Variants in KLHL1 observed in about 807,000 individuals in gnomAD.
KLHL1 encodes kelch like family member 1.
A neutral mutation model predicts 77.7 loss-of-function variants in KLHL1; 47 were observed. The ratio of observed to expected loss-of-function variants is 0.60; its 90% CI spans 0.48 to 0.77. KLHL1 has a LOEUF of 0.77. Ranked by LOEUF, KLHL1 falls within the 30% of genes least tolerant of loss-of-function variation. The pLI, the probability that KLHL1 is intolerant of heterozygous loss-of-function variation, is 0.00. For synonymous variants in KLHL1, 360 were observed against 325.2 expected, an observed-to-expected ratio of 1.11 and a Z score of -1.15; for missense variants, 925 against 910.8, an observed-to-expected ratio of 1.02 and a Z score of -0.20.
At chr13:69,857,863 A>G (rs1489638180) in intron 5 of KLHL1, among the ~76,000 whole-genome samples, 1 of 151,714 alleles carries the variant, frequency 6.6e-6, no homozygotes, top group Non-Finnish European at 1.5e-5. Context: ...ATATATATAT[A>G]TAATGAAATT....
intron 6 of KLHL1, chr13:69,802,792 G>A (rs1391348140): frequency 6.6e-6 from 1 of 152,084 alleles, no homozygotes; most frequent in Non-Finnish European, 1.5e-5. Flanking sequence ...CTCGGCTCTT[G>A]AGACAGGAGT....
At chr13:69,970,670 A>C (rs1038625331) in intron 2 of KLHL1, among the ~76,000 whole-genome samples, 2 of 152,112 alleles carry the variant, frequency 1.3e-5, no homozygotes, top group Non-Finnish European at 2.9e-5. Context: ...GCACTGACTA[A>C]GAATCAGGAT....
At chr13:70,089,821 C>T (rs1368581879) in intron 1 of KLHL1, among the ~76,000 whole-genome samples, 1 of 152,070 alleles carries the variant, frequency 6.6e-6, no homozygotes. Context: ...TGAAACAAGT[C>T]ATATTTCTAC....
At chr13:69,852,916 T>G (rs1310203238) in intron 5 of KLHL1, among the ~76,000 whole-genome samples, 1 of 151,912 alleles carries the variant, frequency 6.6e-6, no homozygotes, top group Non-Finnish European at 1.5e-5. Context: ...TTAATAGAAT[T>G]TAGAATGTGT....
chr13:69,886,446 C>A (rs1253772485), intron 4 of KLHL1, among the ~76,000 whole-genome samples: 1 of 151,126 alleles, frequency 6.6e-6, no homozygotes, highest in Non-Finnish European at 1.5e-5. Flanking sequence ...TTCATTTCTT[C>A]TGTGCATTAA....
chr13:69,939,360 T>TACATATACATAC (rs1222318487), intron 4 of KLHL1, among the ~76,000 whole-genome samples: 12 of 84,244 alleles, frequency 1.4e-4, no homozygotes, highest in South Asian at 1.1e-3. Context: ...TATATATATA[T>TACATATACATAC]ATATATATAT....
intron 1 of KLHL1, among the ~76,000 whole-genome samples, chr13:70,024,620 T>TTC (rs5804459): frequency 0.018 from 2,352 of 130,328 alleles, 54 homozygotes; most frequent in African/African-American, 0.026. Flanking sequence ...GAGAAAAGAT[T>TTC]TCTCTCTCTC....
In KLHL1 at chr13:70,086,768, G is replaced by A. The variant is rs191939177; in HGVS notation, c.497+20435C>T. Among the ~76,000 whole-genome samples, 220 of 150,496 alleles carry A rather than the reference G, an allele frequency of 1.5e-3. 3 individuals carry two copies. Among genetic ancestry groups the A allele is most frequent in the Middle Eastern group, 6.9e-3 (2 of 288 alleles). ...AGTGCCTGCAGGCAGGCAAACTACA[G>A]TGTGATGAGTAGTATGCTAATATAG... On this transcript the variant is annotated intron_variant, in intron 1 of 10. Transcript: ENST00000377844.
intron 1 of KLHL1, among the ~76,000 whole-genome samples, chr13:70,088,770 CATATT>C (rs1354236733): frequency 6.6e-6 from 1 of 151,896 alleles, no homozygotes; most frequent in African/African-American, 2.4e-5. Flanking sequence ...AAATTTTAAA[CATATT>C]AGACATTTTT....
At chr13:69,849,680 C>A (rs1231254428) in intron 5 of KLHL1, among the ~76,000 whole-genome samples, 1 of 150,176 alleles carries the variant, frequency 6.7e-6, no homozygotes, top group Non-Finnish European at 1.5e-5. Flanking sequence ...TATATGTAGT[C>A]ACTTAAAGGC....
At chr13:70,077,138 AG>A (rs1481439913) in intron 1 of KLHL1, among the ~76,000 whole-genome samples, 1 of 151,964 alleles carries the variant, frequency 6.6e-6, no homozygotes, top group African/African-American at 2.4e-5. Flanking sequence ...TACTCAAACG[AG>A]TTGAAAACAT....
intron 2 of KLHL1, among the ~76,000 whole-genome samples, chr13:69,964,685 G>C (rs1237560642): frequency 3.3e-5 from 5 of 151,852 alleles, no homozygotes; most frequent in African/African-American, 1.2e-4. Context: ...CTCAATTTTT[G>C]TTTTCCTCTC....
chr13:69,882,274 C>T lies in KLHL1; in HGVS notation c.1227+9G>A. The T allele has an allele frequency of 6.3e-7, 1 of 1,588,624 alleles. No individual in the cohort carries two copies. Among genetic ancestry groups the T allele is most frequent in the Non-Finnish European group, 8.6e-7 (1 of 1,156,884 alleles). The stretch of plus-strand genomic sequence containing the variant: ...TTGAATCTATTTAAACAGCGTCACA[C>T]ATCATTACCTGTGGTGGAAGCAGTG... On this transcript the variant is annotated intron_variant, in intron 5 of 10. Coordinates refer to ENST00000377844, the MANE Select transcript of KLHL1 (RefSeq NM_020866.3).
intron 4 of KLHL1, among the ~76,000 whole-genome samples, chr13:69,923,721 C>A (rs1882717305): frequency 1.3e-5 from 2 of 152,138 alleles, no homozygotes. Flanking sequence ...CCATCTAGAG[C>A]AGCTGCTGCG....
chr13:69,987,541 G>C (rs1884906636), intron 1 of KLHL1, among the ~76,000 whole-genome samples: 1 of 151,882 alleles, frequency 6.6e-6, no homozygotes, highest in Non-Finnish European at 1.5e-5. Context: ...AAAAAAGGAA[G>C]TGAAAAGGAA....
intron 5 of KLHL1, among the ~76,000 whole-genome samples, chr13:69,856,491 T>C (rs541996642): frequency 2.6e-5 from 4 of 152,162 alleles, no homozygotes; most frequent in African/African-American, 7.2e-5. Context: ...GGTTAATTGT[T>C]AGCTTGCAAG....
intron 7 of KLHL1, among the ~76,000 whole-genome samples, chr13:69,760,841 G>A (rs980970919): frequency 2.0e-5 from 3 of 152,062 alleles, no homozygotes; most frequent in African/African-American, 7.2e-5. Context: ...ATACAATATA[G>A]TTTATTTTGA....
chr13:70,038,504 C>T (rs114168273), intron 1 of KLHL1, among the ~76,000 whole-genome samples: 2,759 of 148,888 alleles, frequency 0.019, 82 homozygotes, highest in African/African-American at 0.064. Flanking sequence ...AGTGGTTGTG[C>T]TATTTTACAT....
intron 6 of KLHL1, among the ~76,000 whole-genome samples, chr13:69,836,877 G>C (rs1879012716): frequency 6.6e-6 from 1 of 151,642 alleles, no homozygotes; most frequent in African/African-American, 2.4e-5. Context: ...ATAATTAGAA[G>C]AGAGGTATTA....
Sources: gnomAD v4.1 joint callset for allele counts (sites outside exome capture counted in the v4.1 genomes callset) on GRCh38, gnomAD v4.1.1 for gene constraint, MANE v1.5 for transcripts, NCBI Gene and HGNC (gene_info 2026-07-23, HGNC 2026-07-21) for gene names.